WDR47: variants seen among roughly 807,000 people sequenced by gnomAD.
The protein encoded by WDR47 is WD repeat domain 47.
In WDR47, 32 loss-of-function variants were observed where a neutral mutation model predicts 97.2. The ratio of observed to expected loss-of-function variants is 0.33; its 90% CI spans 0.25 to 0.44. WDR47 has a LOEUF of 0.44. Ranked by LOEUF, WDR47 falls within the 20% of genes least tolerant of loss-of-function variation. The pLI is 1.00. For synonymous variants in WDR47, 375 were observed against 373.5 expected (o/e 1.00, Z -0.05); for missense variants, 782 against 1,102.3 (o/e 0.71, Z 4.11).
intron 5 of WDR47, 82 bp downstream of exon 5, chr1:109,010,834 G>A (rs1043673037): frequency 2.7e-5 from 36 of 1,346,928 alleles, no homozygotes; most frequent in South Asian, 6.9e-5. Flanking sequence ...CACCCACCTC[G>A]GCCTCCCAAA....
At chr1:109,024,186 G>A (rs779409068) in intron 1 of WDR47, among the ~76,000 whole-genome samples, 17 of 152,146 alleles carry the variant, frequency 1.1e-4, no homozygotes, top group Admixed American at 8.5e-4. Flanking sequence ...GTGTAGTGGC[G>A]TACGCCTGTA....
intron 2 of WDR47, among the ~76,000 whole-genome samples, chr1:109,020,595 T>C (rs893466675): frequency 3.9e-5 from 6 of 152,072 alleles, no homozygotes; most frequent in Non-Finnish European, 8.8e-5. Flanking sequence ...ACCTACTATT[T>C]TATTATTCTT....
chr1:108,985,082 A>C (rs1158055042), intron 10 of WDR47, among the ~76,000 whole-genome samples: 3 of 152,108 alleles, frequency 2.0e-5, no homozygotes, highest in African/African-American at 4.8e-5. Context: ...CCTCTCTCCC[A>C]GTGTCTCCTC....
intron 1 of WDR47, among the ~76,000 whole-genome samples, chr1:109,027,720 C>T (rs1251904894): frequency 6.6e-6 from 1 of 151,994 alleles, no homozygotes; most frequent in Non-Finnish European, 1.5e-5. Context: ...GATGGGGTTT[C>T]ACCATCTTGG....
At chr1:108,986,246 CAA>C (rs1318866991) in intron 10 of WDR47, among the ~76,000 whole-genome samples, 1 of 151,690 alleles carries the variant, frequency 6.6e-6, no homozygotes, top group Admixed American at 6.6e-5. Flanking sequence ...AGATAAAAAA[CAA>C]AATACAAAAG....
In WDR47 at chr1:108,981,866, T is replaced by C; in HGVS notation, c.2267-2A>G. 1.2e-6 allele frequency: 2 copies of C among 1,610,858 alleles called. No homozygotes were observed. Among genetic ancestry groups the C allele is most frequent in the Non-Finnish European group, 1.7e-6 (2 of 1,178,580 alleles). On this transcript the variant is annotated splice_acceptor_variant, in intron 12 of 14. Transcript: ENST00000369962. LOFTEE classifies it high-confidence loss of function. Reference sequence around the variant, plus strand: ...AGGTATAAAGTGCTAAAATATGCCCTATAAAAGATCATATACTCAATTATT... The same window carrying C: ...AGGTATAAAGTGCTAAAATATGCCCCATAAAAGATCATATACTCAATTATT...
In WDR47 at chr1:109,024,299, A is replaced by T. The variant is rs140876424; in HGVS notation, c.-9-778T>A. Among the ~76,000 whole-genome samples the T allele has an allele frequency of 4.2e-4, 64 of 152,220 alleles. 2 individuals are homozygous for T. In the East Asian group the frequency reaches 0.01, roughly 24 times the overall value. The stretch of plus-strand genomic sequence containing the variant: ...AAACCACATCTGTACAAAAAAAATT[A>T]AAAAATTAGCAGGGCAAGATGGTGT... On this transcript the variant is annotated intron_variant, in intron 1 of 14. Transcript: ENST00000369962.
intron 2 of WDR47, 101 bp downstream of exon 2, chr1:109,023,254 T>C: frequency 9.0e-7 from 1 of 1,114,556 alleles, no homozygotes; most frequent in Non-Finnish European, 1.2e-6. Context: ...ACATAGCCTT[T>C]TCATGATTAT....
At position 109,011,569 on chromosome 1, in the gene WDR47, G is replaced by A. The variant is rs775199585; in HGVS notation, c.477C>T (p.Thr159=). The change falls in exon 5 of 15, where the codon ACC becomes ACT. Residue 159 remains threonine (T), a synonymous_variant. Coordinates refer to ENST00000369962, the MANE Select transcript of WDR47 (RefSeq NM_001142551.2). ...CCTCTTCAAAACAGTGAACTCGTGC[G>A]GTGCTGGGATTCCAGTCCTTAAACT... is the stretch of plus-strand genomic sequence containing the variant. ...HAEFKDWNPS[T]ARVHCFEEAC... 11 of 1,614,092 alleles carry A rather than the reference G, an allele frequency of 6.8e-6. No individual in the cohort carries two copies. Among genetic ancestry groups the A allele is most frequent in the Middle Eastern group, 1.6e-4 (1 of 6,062 alleles).
Position 109,012,572 on chromosome 1 carries a change from C to CAAAAAAAAAA in WDR47, c.328-864_328-855dup, listed in dbSNP as rs57237933. ...TGGGTGACAGTGTGAGACTCCATCT[C>CAAAAAAAAAA]AAAAAAAAAAAAAAAAAACAGAAAG... On this transcript the variant is annotated intron_variant, in intron 4 of 14. Coordinates refer to ENST00000369962, the MANE Select transcript of WDR47 (RefSeq NM_001142551.2). 1.1e-3 allele frequency among the ~76,000 whole-genome samples: 82 copies of CAAAAAAAAAA among 73,808 alleles called. 3 individuals carry two copies. Among genetic ancestry groups the CAAAAAAAAAA allele is most frequent in the African/African-American group, 3.9e-3 (65 of 16,728 alleles). The allele number at this position is 73,808 out of a possible 152,430, so 48.4% of individuals were successfully genotyped here.
chr1:108,985,933 A>T (rs1658755954), intron 10 of WDR47, among the ~76,000 whole-genome samples: 1 of 151,282 alleles, frequency 6.6e-6, no homozygotes, highest in Non-Finnish European at 1.5e-5. Flanking sequence ...AAATGCTACC[A>T]CAGTCCAAAA....
At chr1:108,975,360 A>G (rs1048328741) in intron 13 of WDR47, among the ~76,000 whole-genome samples, 2 of 151,916 alleles carry the variant, frequency 1.3e-5, no homozygotes, top group African/African-American at 4.8e-5. Flanking sequence ...GCGGTGGCTC[A>G]TGCCTGTAAT....
At chr1:109,018,504 A>C (rs1661588494) in intron 2 of WDR47, among the ~76,000 whole-genome samples, 1 of 151,898 alleles carries the variant, frequency 6.6e-6, no homozygotes. Flanking sequence ...ACAGTTTTAA[A>C]GCTATTATAT....
chr1:108,986,888 T>C (rs571381247), intron 9 of WDR47: 1 of 419,324 alleles, frequency 2.4e-6, no homozygotes, highest in African/African-American at 2.0e-5. Context: ...CACAGACAAG[T>C]AGGCTACAGT....
chr1:108,981,256 G>A lies in WDR47; in HGVS notation c.2398+477C>T, dbSNP rs576171012. ...ACCATTTGTGTGTGTGTGTGTGTGC[G>A]TGTGTGTGTATTTGTGTTTACAGGA... On this transcript the variant is annotated intron_variant, in intron 13 of 14. Coordinates refer to ENST00000369962, the MANE Select transcript of WDR47 (RefSeq NM_001142551.2). Among the ~76,000 whole-genome samples, 6 of 152,104 alleles carry A rather than the reference G, an allele frequency of 3.9e-5. 1 individual carries two copies. The highest frequency in any genetic ancestry group is 1.4e-4 in the African/African-American group (6 of 41,490).
chr1:108,983,575 A>G, intron 10 of WDR47, 124 bp from the exon 11 acceptor site: 1 of 772,916 alleles, frequency 1.3e-6, no homozygotes, highest in Non-Finnish European at 1.8e-6. Context: ...GCTTATTAAT[A>G]GTTTTCAAAA....
chr1:108,991,368 A>G, intron 8 of WDR47, 39 bp from the exon 9 acceptor site: 1 of 1,549,306 alleles, frequency 6.5e-7, no homozygotes, highest in Admixed American at 1.8e-5. Flanking sequence ...TACTCCATGT[A>G]TCAAAATAGA....
chr1:109,029,939 A>AT, intron 1 of WDR47: 1 of 371,568 alleles, frequency 2.7e-6, no homozygotes, highest in Non-Finnish European at 4.8e-6. Flanking sequence ...GACTCTGTGT[A>AT]TTTCCATACA....
chr1:109,020,322 A>T (rs1173685351), intron 2 of WDR47, among the ~76,000 whole-genome samples: 1 of 150,710 alleles, frequency 6.6e-6, no homozygotes. Context: ...CTGCAAGCTC[A>T]CGATCTCGGC....
Sources: gnomAD v4.1 joint callset for allele counts (sites outside exome capture counted in the v4.1 genomes callset) on GRCh38, gnomAD v4.1.1 for gene constraint, MANE v1.5 for transcripts, NCBI Gene and HGNC (gene_info 2026-07-23, HGNC 2026-07-21) for gene names.